The following PEX7 variants were observed in gnomAD, a reference collection of about 807,000 sequenced individuals.
The protein encoded by PEX7 is PTS2 receptor.
Under a neutral mutation model 47.5 loss-of-function variants are expected in PEX7, and 34 were observed. That is an observed-to-expected ratio of 0.72 (90% CI 0.54 to 0.95). The LOEUF (loss-of-function observed/expected upper bound fraction) is 0.95. Ranked by LOEUF, PEX7 falls within the 40% of genes least tolerant of loss-of-function variation. The probability of loss-of-function intolerance (pLI) is 0.00; values close to 1 mark genes in which losing one functional copy is unlikely to be tolerated. For missense variants in PEX7, 394 were observed against 400.3 expected, an observed-to-expected ratio of 0.98 and a Z score of 0.13; for synonymous variants, 141 against 148.8, an observed-to-expected ratio of 0.95 and a Z score of 0.38.
At chr6:136,845,487 T>C (rs982579812) in intron 3 of PEX7, 128 bp from the exon 4 acceptor site, 45 of 716,464 alleles carry the variant, frequency 6.3e-5, no homozygotes, top group Admixed American at 3.0e-4. Flanking sequence ...TTGAGATGGA[T>C]AGGAATTATT....
intron 8 of PEX7, among the ~76,000 whole-genome samples, chr6:136,875,290 G>A (rs1260044382): frequency 1.4e-5 from 2 of 146,972 alleles, no homozygotes; most frequent in Non-Finnish European, 3.0e-5. Flanking sequence ...AAGTATTTAA[G>A]GCTATAAATT....
intron 8 of PEX7, among the ~76,000 whole-genome samples, chr6:136,882,121 A>G (rs1775385380): frequency 1.3e-5 from 2 of 150,978 alleles, no homozygotes; most frequent in Non-Finnish European, 3.0e-5. Flanking sequence ...ATATGAGAAG[A>G]CGTTCTTGAA....
chr6:136,890,046 G>C (rs1186224023), intron 8 of PEX7, among the ~76,000 whole-genome samples: 1 of 152,178 alleles, frequency 6.6e-6, no homozygotes, highest in East Asian at 1.9e-4. Context: ...AGTTCCCAGA[G>C]AGCATAAGGA....
chr6:136,868,006 T>A (rs1775106583), intron 6 of PEX7, among the ~76,000 whole-genome samples: 1 of 152,206 alleles, frequency 6.6e-6, no homozygotes. Context: ...AGGACCCTAC[T>A]ACCATTTTTT....
intron 3 of PEX7, among the ~76,000 whole-genome samples, chr6:136,837,208 T>A (rs890868328): frequency 1.3e-5 from 2 of 149,412 alleles, no homozygotes; most frequent in East Asian, 2.0e-4. Context: ...AAAAATATTT[T>A]AAAAAATTAG....
chr6:136,864,324 A>C (rs201179660), intron 5 of PEX7, among the ~76,000 whole-genome samples: 2 of 144,416 alleles, frequency 1.4e-5, no homozygotes, highest in East Asian at 2.1e-4. Context: ...ATAAAAAAAA[A>C]ACACACATAT....
chr6:136,869,930 G>T lies in PEX7; in HGVS notation c.674G>T (p.Gly225Val). Residue 225 changes from glycine (G) to valine (V), a missense_variant, in exon 7 of 10, where the codon GGC becomes GTC. Physicochemically the swap from Gly to Val is moderately radical, Grantham distance 109 (BLOSUM62 -3). Transcript: ENST00000318471. The part of the protein sequence containing the change: ...VTGAVDCSLR[G>V]WDLRNVRQPV... ...GGGGCGGTTGACTGTAGTTTGAGAG[G>T]CTGGGACTTAAGGAATGTACGACAA... 1 of 1,614,094 alleles carries T rather than the reference G, an allele frequency of 6.2e-7. No individual in the cohort carries two copies. The highest frequency in any genetic ancestry group is 1.7e-4 in the Middle Eastern group (1 of 6,060).
At chr6:136,866,114 A>C (rs1775067456) in intron 5 of PEX7, among the ~76,000 whole-genome samples, 1 of 152,094 alleles carries the variant, frequency 6.6e-6, no homozygotes, top group East Asian at 1.9e-4. Flanking sequence ...AAAATAAATA[A>C]ATAAAATTTT....
intron 9 of PEX7, among the ~76,000 whole-genome samples, chr6:136,907,246 T>G (rs1048524276): frequency 6.6e-6 from 1 of 152,202 alleles, no homozygotes; most frequent in Admixed American, 6.5e-5. Context: ...CTGATACATA[T>G]GTGCTAAATA....
At chr6:136,883,049 G>T (rs1775403809) in intron 8 of PEX7, among the ~76,000 whole-genome samples, 1 of 152,064 alleles carries the variant, frequency 6.6e-6, no homozygotes, top group Non-Finnish European at 1.5e-5. Context: ...AAGTGATTTG[G>T]ATTGAGTAAG....
intron 7 of PEX7, among the ~76,000 whole-genome samples, chr6:136,871,780 C>T (rs371602042): frequency 4.6e-5 from 7 of 152,086 alleles, no homozygotes; most frequent in East Asian, 3.9e-4. Context: ...AGGCTGGTCT[C>T]GAGCTCCTGA....
At position 136,822,787 on chromosome 6, in the gene PEX7, G is replaced by C; in HGVS notation, c.122G>C (p.Gly41Ala). The C allele has an allele frequency of 7.4e-7, 1 of 1,344,312 alleles. No homozygotes were observed. The highest frequency in any genetic ancestry group is 1.9e-5 in the South Asian group (1 of 52,256). 83.3% of individuals were successfully genotyped at this position (1,344,312 alleles called of 1,614,324 possible). ...GCCTGCGCCACCGCGCAGCACTACG[G>C]CATCGCGGGTGAGGCGGCGCCGCGC... Reference protein sequence around the residue: ...RLACATAQHYGIAGCGTLLIL... With the variant: ...RLACATAQHYAIAGCGTLLIL... The change falls in exon 1 of 10, where the codon GGC (glycine) becomes GCC (alanine). Residue 41 changes from glycine to alanine, a missense_variant. Physicochemically the swap from Gly to Ala is moderately conservative, Grantham distance 60. Coordinates refer to ENST00000318471, the MANE Select transcript of PEX7 (RefSeq NM_000288.4).
intron 9 of PEX7, among the ~76,000 whole-genome samples, chr6:136,912,777 A>G (rs1240611503): frequency 6.6e-6 from 1 of 152,196 alleles, no homozygotes; most frequent in African/African-American, 2.4e-5. Flanking sequence ...AGTGGTTTTC[A>G]TATATTAATT....
intron 9 of PEX7, among the ~76,000 whole-genome samples, chr6:136,907,159 C>T (rs150963482): frequency 6.6e-6 from 1 of 152,248 alleles, no homozygotes; most frequent in East Asian, 1.9e-4. Context: ...TTCTTTCCTT[C>T]TCTGCTTCAG....
chr6:136,836,640 T>A (rs1325208572), intron 3 of PEX7, among the ~76,000 whole-genome samples: 1 of 152,158 alleles, frequency 6.6e-6, no homozygotes, highest in African/African-American at 2.4e-5. Context: ...ACATTCCTAA[T>A]AAGATCAGTC....
rs540668763 is a variant in PEX7 at position 136,894,186 on chromosome 6, C to T, written c.804-3956C>T. ...AAAAAAAGTAATAATAGGCCAGGAA[C>T]GGTGTCTCATGCCTGTAATCCCAGC... On this transcript the variant is annotated intron_variant, in intron 8 of 9. Coordinates refer to ENST00000318471, the MANE Select transcript of PEX7 (RefSeq NM_000288.4). Among the ~76,000 whole-genome samples, 580 of 152,232 alleles carry T rather than the reference C, an allele frequency of 3.8e-3. 1 individual carries two copies. Among genetic ancestry groups the T allele is most frequent in the Non-Finnish European group, 5.4e-3 (368 of 68,006 alleles).
At chr6:136,880,779 C>T (rs1347477774) in intron 8 of PEX7, among the ~76,000 whole-genome samples, 3 of 152,164 alleles carry the variant, frequency 2.0e-5, no homozygotes, top group African/African-American at 7.2e-5. Context: ...ATAAAATGTA[C>T]TTCTAATAGA....
At chr6:136,835,176 C>T (rs1774362785) in intron 3 of PEX7, among the ~76,000 whole-genome samples, 1 of 152,036 alleles carries the variant, frequency 6.6e-6, no homozygotes, top group African/African-American at 2.4e-5. Context: ...CTGGCCGCCT[C>T]AGCCTCCCAA....
chr6:136,889,041 A>G lies in PEX7; in HGVS notation c.804-9101A>G, dbSNP rs543184507. On this transcript the variant is annotated intron_variant, in intron 8 of 9. Coordinates refer to ENST00000318471, the MANE Select transcript of PEX7 (RefSeq NM_000288.4). Reference sequence around the variant, plus strand: ...CTACAAATCAAGTGTAATATGCAATATACTGACACATCTCTAAGCTTCATA... The same window carrying G: ...CTACAAATCAAGTGTAATATGCAATGTACTGACACATCTCTAAGCTTCATA... 9.2e-5 allele frequency among the ~76,000 whole-genome samples: 14 copies of G among 152,306 alleles called. No individual in the cohort carries two copies. In the East Asian group the frequency reaches 2.5e-3, roughly 27 times the overall value.
Sources: gnomAD v4.1 joint callset for allele counts (sites outside exome capture counted in the v4.1 genomes callset) on GRCh38, gnomAD v4.1.1 for gene constraint, MANE v1.5 for transcripts, NCBI Gene and HGNC (gene_info 2026-07-23, HGNC 2026-07-21) for gene names.